Variants in RARB observed in about 807,000 individuals in gnomAD.
The protein encoded by RARB is HBV-activated protein.
In RARB, 17 loss-of-function variants were observed where a neutral mutation model predicts 51.9. That is an observed-to-expected ratio of 0.33 (90% CI 0.22 to 0.49). RARB has a LOEUF of 0.49. Ranked by LOEUF, RARB falls within the 20% of genes least tolerant of loss-of-function variation. The probability of loss-of-function intolerance (pLI) is 0.99; values close to 1 mark genes in which losing one functional copy is unlikely to be tolerated. For synonymous variants in RARB, 215 were observed against 195.4 expected, an observed-to-expected ratio of 1.10 and a Z score of -0.84; for missense variants, 369 against 550.8, an observed-to-expected ratio of 0.67 and a Z score of 3.30.
At chr3:24,904,740 T>C (rs760236618) in intron 2 of RARB, among the ~76,000 whole-genome samples, 31 of 152,150 alleles carry the variant, frequency 2.0e-4, no homozygotes, top group Non-Finnish European at 4.1e-4. Context: ...CTGTTCACAA[T>C]AGCAAAAACT....
intron 4 of RARB, among the ~76,000 whole-genome samples, chr3:25,162,553 A>T (rs1475032275): frequency 6.6e-6 from 1 of 152,274 alleles, no homozygotes; most frequent in South Asian, 2.1e-4. Flanking sequence ...CTAAAAAGGA[A>T]CTCCACACTC....
intron 3 of RARB, among the ~76,000 whole-genome samples, chr3:25,120,126 A>G (rs1699759314): frequency 6.6e-6 from 1 of 152,154 alleles, no homozygotes; most frequent in African/African-American, 2.4e-5. Flanking sequence ...TGTGGTCTCA[A>G]TCTCCCAGGA....
chr3:24,889,486 T>C (rs970792212), intron 2 of RARB, among the ~76,000 whole-genome samples: 10 of 152,294 alleles, frequency 6.6e-5, no homozygotes, highest in Admixed American at 2.0e-4. Context: ...AGGCAAACCA[T>C]AATTTTATTT....
chr3:25,478,633 G>C (rs190959523), intron 2 of RARB, among the ~76,000 whole-genome samples: 2 of 152,172 alleles, frequency 1.3e-5, no homozygotes, highest in Admixed American at 1.3e-4. Context: ...CCTGGTGACT[G>C]AGAAAAATGC....
chr3:24,941,154 C>A (rs899051827), intron 2 of RARB, among the ~76,000 whole-genome samples: 2 of 151,954 alleles, frequency 1.3e-5, no homozygotes, highest in African/African-American at 4.8e-5. Flanking sequence ...ATAGAGACTG[C>A]AGAAAGGAAT....
chr3:24,930,341 C>T (rs1695412534), intron 2 of RARB, among the ~76,000 whole-genome samples: 1 of 151,996 alleles, frequency 6.6e-6, no homozygotes, highest in Admixed American at 6.6e-5. Context: ...AGCTTTACCA[C>T]CATTAACTGC....
At chr3:25,392,001 T>A (rs1024566592) in intron 5 of RARB, among the ~76,000 whole-genome samples, 2 of 152,216 alleles carry the variant, frequency 1.3e-5, no homozygotes, top group Non-Finnish European at 2.9e-5. Context: ...TGATGTTATC[T>A]TCTAGAATTT....
At chr3:25,478,747 G>T (rs552515216) in intron 2 of RARB, among the ~76,000 whole-genome samples, 1 of 152,202 alleles carries the variant, frequency 6.6e-6, no homozygotes, top group African/African-American at 2.4e-5. Context: ...GAAACAGACC[G>T]CAAGCTGATC....
chr3:25,063,143 C>G (rs1698583742), intron 3 of RARB, among the ~76,000 whole-genome samples: 1 of 151,940 alleles, frequency 6.6e-6, no homozygotes, highest in Non-Finnish European at 1.5e-5. Flanking sequence ...GTAACACCCC[C>G]TTTTGAATAG....
At chr3:25,190,558 C>G (rs911549959) in intron 5 of RARB, among the ~76,000 whole-genome samples, 3 of 151,990 alleles carry the variant, frequency 2.0e-5, no homozygotes, top group Non-Finnish European at 4.4e-5. Flanking sequence ...TTCAGCTGAT[C>G]AACTAAAAAA....
chr3:25,234,327 T>C (rs558849925), intron 5 of RARB, among the ~76,000 whole-genome samples: 1 of 152,286 alleles, frequency 6.6e-6, no homozygotes, highest in African/African-American at 2.4e-5. Flanking sequence ...TCATCTAAGT[T>C]ATTAGACTTT....
intron 5 of RARB, among the ~76,000 whole-genome samples, chr3:25,316,956 G>C (rs530439625): frequency 6.6e-6 from 1 of 152,214 alleles, no homozygotes; most frequent in South Asian, 2.1e-4. Context: ...TTCACCCCAG[G>C]TCATTTAGCC....
At chr3:24,923,930 C>G (rs915520957) in intron 2 of RARB, among the ~76,000 whole-genome samples, 2 of 152,050 alleles carry the variant, frequency 1.3e-5, no homozygotes, top group African/African-American at 2.4e-5. Flanking sequence ...TTAGATATTT[C>G]AACAGAATGA....
intron 2 of RARB, among the ~76,000 whole-genome samples, chr3:25,052,989 A>G (rs1698367623): frequency 6.6e-6 from 1 of 152,176 alleles, no homozygotes; most frequent in Non-Finnish European, 1.5e-5. Flanking sequence ...CCCAACTTTT[A>G]ATAGCATGTT....
At chr3:24,939,232 G>T (rs1313181474) in intron 2 of RARB, among the ~76,000 whole-genome samples, 2 of 151,976 alleles carry the variant, frequency 1.3e-5, no homozygotes, top group Non-Finnish European at 2.9e-5. Flanking sequence ...GATCTGAATG[G>T]GTGTTTAATT....
chr3:25,096,900 T>C (rs1699302483), intron 3 of RARB, among the ~76,000 whole-genome samples: 1 of 152,180 alleles, frequency 6.6e-6, no homozygotes, highest in Admixed American at 6.5e-5. Flanking sequence ...TAAAGTGCTG[T>C]TTCCTTTCCA....
At chr3:25,259,140 A>G in intron 5 of RARB, 1 of 891,520 alleles carries the variant, frequency 1.1e-6, no homozygotes, top group South Asian at 5.2e-5. Flanking sequence ...AAGAAACACT[A>G]TTTAATAATA....
At chr3:25,170,086 C>G (rs568424636) in intron 4 of RARB, among the ~76,000 whole-genome samples, 1 of 151,820 alleles carries the variant, frequency 6.6e-6, no homozygotes, top group South Asian at 2.1e-4. Flanking sequence ...AGCTGTTATT[C>G]TTTATCAGTC....
chr3:25,352,743 A>G (rs1316258799), intron 5 of RARB, among the ~76,000 whole-genome samples: 1 of 152,134 alleles, frequency 6.6e-6, no homozygotes, highest in Non-Finnish European at 1.5e-5. Context: ...CTCTTCCATT[A>G]TTTACTGCAT....
Sources: gnomAD v4.1 joint callset for allele counts (sites outside exome capture counted in the v4.1 genomes callset) on GRCh38, gnomAD v4.1.1 for gene constraint, MANE v1.5 for transcripts, NCBI Gene and HGNC (gene_info 2026-07-23, HGNC 2026-07-21) for gene names.